Variants in GRK3 observed in about 807,000 individuals in gnomAD.
The protein encoded by GRK3 is adrenergic, beta, receptor kinase 2.
A neutral mutation model predicts 95.7 loss-of-function variants in GRK3; 54 were observed. The ratio of observed to expected loss-of-function variants is 0.56; its 90% confidence interval spans 0.45 to 0.71. The LOEUF (loss-of-function observed/expected upper bound fraction) is 0.71. GRK3 is among the 30% of genes least tolerant of loss of function. The pLI is 0.00. For missense variants in GRK3, 649 were observed against 851.2 expected (o/e 0.76, Z 2.96); for synonymous variants, 281 against 290.8 (o/e 0.97, Z 0.34).
chr22:25,649,127 T>C, intron 3 of GRK3: 1 of 1,497,362 alleles, frequency 6.7e-7, no homozygotes, highest in Non-Finnish European at 9.3e-7. Context: ...TGAATCTGTG[T>C]TGGAAGAAGG....
At chr22:25,699,496 C>G (rs1233299506) in intron 13 of GRK3, among the ~76,000 whole-genome samples, 1 of 152,014 alleles carries the variant, frequency 6.6e-6, no homozygotes, top group Non-Finnish European at 1.5e-5. Flanking sequence ...GCCAAGGATG[C>G]TGCTCAACAT....
chr22:25,629,894 C>T (rs376163580), intron 2 of GRK3, among the ~76,000 whole-genome samples: 3 of 152,196 alleles, frequency 2.0e-5, no homozygotes, highest in Admixed American at 6.5e-5. Flanking sequence ...CATTTCTCCT[C>T]TACCAAGTGA....
intron 18 of GRK3, among the ~76,000 whole-genome samples, chr22:25,717,024 T>C (rs1012592814): frequency 6.6e-6 from 1 of 152,208 alleles, no homozygotes; most frequent in African/African-American, 2.4e-5. Context: ...TCCCCGTCTG[T>C]GGAAAAATTG....
chr22:25,721,586 AGGAG>A (rs2085432819), intron 20 of GRK3, among the ~76,000 whole-genome samples, 189 bp downstream of exon 20: 2 of 152,238 alleles, frequency 1.3e-5, no homozygotes, highest in South Asian at 4.1e-4. Flanking sequence ...AGAAAATGGC[AGGAG>A]GATGCAGGTG....
At chr22:25,655,810 T>G (rs2084866873) in intron 3 of GRK3, among the ~76,000 whole-genome samples, 2 of 152,198 alleles carry the variant, frequency 1.3e-5, no homozygotes, top group Admixed American at 6.5e-5. Flanking sequence ...GAACTTCAGT[T>G]ACCTCATCTA....
intron 12 of GRK3, 124 bp from the exon 13 acceptor site, chr22:25,694,983 A>G (rs2085195469): frequency 3.2e-6 from 2 of 625,540 alleles, no homozygotes; most frequent in African/African-American, 1.8e-5. Context: ...GTGAAGCACA[A>G]CTGTCCCCTC....
intron 12 of GRK3, among the ~76,000 whole-genome samples, chr22:25,693,059 A>G (rs1280057168): frequency 1.3e-5 from 2 of 152,232 alleles, no homozygotes; most frequent in African/African-American, 4.8e-5. Flanking sequence ...GTAAACTAGA[A>G]GTTAACTGTG....
intron 2 of GRK3, among the ~76,000 whole-genome samples, chr22:25,634,608 T>G (rs1040654905): frequency 2.0e-5 from 3 of 152,244 alleles, no homozygotes; most frequent in Non-Finnish European, 2.9e-5. Context: ...GGGAGCTTAT[T>G]AACATTGTTC....
chr22:25,574,887 C>T (rs2146313445), intron 1 of GRK3, among the ~76,000 whole-genome samples: 1 of 152,210 alleles, frequency 6.6e-6, no homozygotes, highest in East Asian at 1.9e-4. Flanking sequence ...CCATTTTGGA[C>T]CTGCTTCTTT....
At chr22:25,633,600 C>T (rs1463146843) in intron 2 of GRK3, among the ~76,000 whole-genome samples, 1 of 151,400 alleles carries the variant, frequency 6.6e-6, no homozygotes. Context: ...TTTAAATTTC[C>T]CATTGTTCAG....
At position 25,682,593 on chromosome 22, in the gene GRK3, G is replaced by A. The variant is rs908327565; in HGVS notation, c.748-2577G>A. Among the ~76,000 whole-genome samples the A allele has an allele frequency of 7.2e-5, 11 of 152,182 alleles. 1 individual carries two copies. In the South Asian group the frequency reaches 1.7e-3, roughly 23 times the overall value. On this transcript the variant is annotated intron_variant, in intron 9 of 20. Coordinates refer to ENST00000324198, the MANE Select transcript of GRK3 (RefSeq NM_005160.4). ...TGGAATTTAATAATTTTTTGTGTTC[G>A]TTAAGAAACAAGATATAGACAATCT...
At chr22:25,636,305 T>C (rs1483098233) in intron 2 of GRK3, among the ~76,000 whole-genome samples, 1 of 152,220 alleles carries the variant, frequency 6.6e-6, no homozygotes, top group Non-Finnish European at 1.5e-5. Context: ...AGCAAGGAAA[T>C]GTTTGTGTGT....
chr22:25,699,729 C>G (rs1050288829), intron 13 of GRK3, among the ~76,000 whole-genome samples: 4 of 143,132 alleles, frequency 2.8e-5, no homozygotes, highest in African/African-American at 1.1e-4. Context: ...GACGAAGTCT[C>G]GCTCTGTCGC....
At position 25,723,762 on chromosome 22, in the gene GRK3, A is replaced by C. The variant is rs2085452964; in HGVS notation, c.*1312A>C. 6.6e-6 allele frequency: 1 copy of C among 152,236 alleles called. No homozygotes were observed. The highest frequency in any genetic ancestry group is 2.4e-5 in the African/African-American group (1 of 41,464). 9.4% of individuals were successfully genotyped at this position (152,236 alleles called of 1,614,324 possible). A position where few individuals can be genotyped will look rare whatever the true frequency, so the allele number is the denominator to read the frequency against. ...GTATGTCTTTACATTAACTACTAAC[A>C]GTATAAATAACTTGACATCGTAATT... On this transcript the variant is annotated 3_prime_UTR_variant, in exon 21 of 21. Coordinates refer to ENST00000324198, the MANE Select transcript of GRK3 (RefSeq NM_005160.4).
chr22:25,660,975 G>A (rs1164859449), intron 3 of GRK3, among the ~76,000 whole-genome samples: 1 of 152,150 alleles, frequency 6.6e-6, no homozygotes, highest in Non-Finnish European at 1.5e-5. Context: ...CAAAATACAC[G>A]ATTTGAAGTC....
At chr22:25,673,916 G>A (rs142914938) in intron 7 of GRK3, among the ~76,000 whole-genome samples, 1 of 151,930 alleles carries the variant, frequency 6.6e-6, no homozygotes, top group East Asian at 1.9e-4. Context: ...ATTCACTGAT[G>A]TTACCAATAA....
intron 19 of GRK3, among the ~76,000 whole-genome samples, chr22:25,720,414 C>CT (rs1413535551): frequency 4.7e-5 from 7 of 149,876 alleles, no homozygotes; most frequent in Non-Finnish European, 1.0e-4. Context: ...AACCGTAAGA[C>CT]GCTAAGGAAC....
At chr22:25,623,942 C>T (rs1420824333) in intron 2 of GRK3, among the ~76,000 whole-genome samples, 1 of 152,144 alleles carries the variant, frequency 6.6e-6, no homozygotes, top group Non-Finnish European at 1.5e-5. Flanking sequence ...ACATAGCCTC[C>T]GGCCAGGAGT....
intron 15 of GRK3, 30 bp from the exon 16 acceptor site, chr22:25,709,868 T>A (rs2085330087): frequency 1.3e-6 from 2 of 1,556,098 alleles, no homozygotes; most frequent in African/African-American, 2.7e-5. Context: ...AAATGCATAC[T>A]CAGCACTGTT....
Sources: gnomAD v4.1 joint callset for allele counts (sites outside exome capture counted in the v4.1 genomes callset) on GRCh38, gnomAD v4.1.1 for gene constraint, MANE v1.5 for transcripts, NCBI Gene and HGNC (gene_info 2026-07-23, HGNC 2026-07-21) for gene names.